Variants in MFSD6 observed in about 807,000 individuals in gnomAD.
The protein encoded by MFSD6 is major facilitator superfamily domain-containing protein 6.
Under a neutral mutation model 56.3 loss-of-function variants are expected in MFSD6, and 26 were observed. The ratio of observed to expected loss-of-function variants is 0.46; its 90% CI spans 0.34 to 0.64. The LOEUF (loss-of-function observed/expected upper bound fraction) is 0.64. Ranked by LOEUF, MFSD6 falls within the 30% of genes least tolerant of loss-of-function variation. The pLI is 0.01. For missense variants in MFSD6, 750 were observed against 986.2 expected, an observed-to-expected ratio of 0.76 and a Z score of 3.21; for synonymous variants, 331 against 366.9, an observed-to-expected ratio of 0.90 and a Z score of 1.12.
At position 190,413,186 on chromosome 2, in the gene MFSD6, A is replaced by G. The variant is rs1271984537; in HGVS notation, c.-175-2106A>G. 6.6e-6 allele frequency among the ~76,000 whole-genome samples: 1 copy of G among 152,160 alleles called. No individual in the cohort carries two copies. Among genetic ancestry groups the G allele is most frequent in the African/African-American group, 2.4e-5 (1 of 41,426 alleles). ...CCTTGATCCATTATGATGTAAATCTAGCTGAGCCACGTGTTGATGATTATG... is the reference window on the plus strand; with the variant it reads ...CCTTGATCCATTATGATGTAAATCTGGCTGAGCCACGTGTTGATGATTATG... On this transcript the variant is annotated intron_variant, in intron 1 of 7. Coordinates refer to ENST00000392328, the MANE Select transcript of MFSD6 (RefSeq NM_017694.4). The surrounding 1 kb of genome is among the most constrained non-coding windows in gnomAD (Gnocchi z 4.1).
intron 4 of MFSD6, among the ~76,000 whole-genome samples, chr2:190,481,643 A>G (rs1466857344): frequency 1.3e-5 from 2 of 152,182 alleles, no homozygotes; most frequent in African/African-American, 4.8e-5. Context: ...ATTATTTTGC[A>G]TATTGTCATA....
chr2:190,441,986 C>T (rs924701118), intron 3 of MFSD6, among the ~76,000 whole-genome samples: 5 of 152,110 alleles, frequency 3.3e-5, no homozygotes, highest in Non-Finnish European at 7.4e-5. Context: ...TACAAAGACT[C>T]CTGATGGCAA....
rs1236797476 is a variant in MFSD6, at chr2:190,461,902, A to C, written c.1533-7856A>C. 6.6e-6 allele frequency among the ~76,000 whole-genome samples: 1 copy of C among 152,152 alleles called. No individual in the cohort carries two copies. Among genetic ancestry groups the C allele is most frequent in the African/African-American group, 2.4e-5 (1 of 41,420 alleles). ...TATACTTTCAGAACAATCTGAGAGCAGAAGTCTTTTAATTTAAAAATTTAA... is the reference window on the plus strand; with the variant it reads ...TATACTTTCAGAACAATCTGAGAGCCGAAGTCTTTTAATTTAAAAATTTAA... On this transcript the variant is annotated intron_variant, in intron 3 of 7. Transcript: ENST00000392328. The surrounding 1 kb of genome is among the most constrained non-coding windows in gnomAD (Gnocchi z 5.5).
chr2:190,424,591 A>G lies in MFSD6; in HGVS notation c.-54+9178A>G, dbSNP rs1421773182. ...CTCAGGTGATCCGTCCACCTCGGCC[A>G]CCAAAGTGCTGGGATTACAGGCGTG... On this transcript the variant is annotated intron_variant, in intron 2 of 7. Transcript: ENST00000392328. This position sits in a 1 kb window ranked among gnomAD's most constrained non-coding sequence, Gnocchi z 5.9. 1.3e-5 allele frequency among the ~76,000 whole-genome samples: 2 copies of G among 152,084 alleles called. No homozygotes were observed. The highest frequency in any genetic ancestry group is 2.9e-5 in the Non-Finnish European group (2 of 67,992).
Position 190,489,079 on chromosome 2 carries a change from A to G in MFSD6, c.1792+261A>G, listed in dbSNP as rs536468059. ...AGATGCTACAGAGATCCCTCAAAGGAGCCAAACAAATGAATTAGCATGAGT... is the reference window on the plus strand; with the variant it reads ...AGATGCTACAGAGATCCCTCAAAGGGGCCAAACAAATGAATTAGCATGAGT... On this transcript the variant is annotated intron_variant, in intron 5 of 7. Coordinates refer to ENST00000392328, the MANE Select transcript of MFSD6 (RefSeq NM_017694.4). This position sits in a 1 kb window ranked among gnomAD's most constrained non-coding sequence, Gnocchi z 6.6. 6.6e-6 allele frequency among the ~76,000 whole-genome samples: 1 copy of G among 152,334 alleles called. No homozygotes were observed. Among genetic ancestry groups the G allele is most frequent in the South Asian group, 2.1e-4 (1 of 4,834 alleles).
At chr2:190,476,946 T>C (rs909612920) in intron 4 of MFSD6, among the ~76,000 whole-genome samples, 2 of 150,896 alleles carry the variant, frequency 1.3e-5, no homozygotes, top group African/African-American at 2.4e-5. Flanking sequence ...CAGCAAACTA[T>C]TGTAAGGACA....
chr2:190,492,356 A>T lies in MFSD6; in HGVS notation c.1891+2490A>T, dbSNP rs539906677. On this transcript the variant is annotated intron_variant, in intron 6 of 7. Transcript: ENST00000392328. This position sits in a 1 kb window ranked among gnomAD's most constrained non-coding sequence, Gnocchi z 5.2. ...TAGGCACATTGTCATCAGGCTATCT[A>T]AAGTCAAGAGGAAGGAAAGAATCTT... 6.6e-6 allele frequency among the ~76,000 whole-genome samples: 1 copy of T among 152,346 alleles called. No individual in the cohort carries two copies. The highest frequency in any genetic ancestry group is 6.5e-5 in the Admixed American group (1 of 15,302).
rs1687324046 is a variant in MFSD6 at position 190,461,447 on chromosome 2, T to G, written c.1533-8311T>G. On this transcript the variant is annotated intron_variant, in intron 3 of 7. Transcript: ENST00000392328. The surrounding 1 kb of genome is among the most constrained non-coding windows in gnomAD (Gnocchi z 5.5). Reference sequence around the variant, plus strand: ...TTCTGTTCATATGTAAGTATGTAGCTGTATGTGTCACTTCCTTTTTCTGAC... The same window carrying G: ...TTCTGTTCATATGTAAGTATGTAGCGGTATGTGTCACTTCCTTTTTCTGAC... Among the ~76,000 whole-genome samples, 1 of 152,260 alleles carries G rather than the reference T, an allele frequency of 6.6e-6. No homozygotes were observed. Among genetic ancestry groups the G allele is most frequent in the Non-Finnish European group, 1.5e-5 (1 of 68,044 alleles).
Position 190,500,201 on chromosome 2 carries a change from G to T in MFSD6, c.2359G>T (p.Ala787Ser). The change falls in exon 8 of 8, where the codon GCC (alanine) becomes TCC (serine). Residue 787 changes from alanine to serine, a missense_variant. Transcript: ENST00000392328. This position sits in a 1 kb window ranked among gnomAD's most constrained non-coding sequence, Gnocchi z 5.3. Reference sequence around the variant, plus strand: ...GAGTGAAGAGCAGCAGGCTCAGCTGGCCGCGGGAGGACACTGAGGGCATCC... The same window carrying T: ...GAGTGAAGAGCAGCAGGCTCAGCTGTCCGCGGGAGGACACTGAGGGCATCC... ...EESEEQQAQL[A>S]AGGH 1 of 1,614,160 alleles carries T rather than the reference G, an allele frequency of 6.2e-7. No homozygotes were observed. The highest frequency in any genetic ancestry group is 1.1e-5 in the South Asian group (1 of 91,080).
chr2:190,444,890 G>C (rs1241073518), intron 3 of MFSD6: 2 of 831,470 alleles, frequency 2.4e-6, no homozygotes, highest in East Asian at 2.5e-4. Flanking sequence ...ATAGTAAAAA[G>C]TGACGTTAAT....
intron 3 of MFSD6, among the ~76,000 whole-genome samples, chr2:190,449,436 T>C (rs1032678986): frequency 1.7e-4 from 26 of 151,880 alleles, no homozygotes; most frequent in African/African-American, 6.3e-4. Flanking sequence ...ATGGCACCAC[T>C]GCACACCCGC....
At position 190,428,572 on chromosome 2, in the gene MFSD6, T is replaced by G. The variant is rs80306996; in HGVS notation, c.-53-7405T>G. On this transcript the variant is annotated intron_variant, in intron 2 of 7. Transcript: ENST00000392328. ...TTGTTTTATACTTACCTGTTCAGCCTTCTAAATCCAAAAATCAAAAATGCT... is the reference window on the plus strand; with the variant it reads ...TTGTTTTATACTTACCTGTTCAGCCGTCTAAATCCAAAAATCAAAAATGCT... Among the ~76,000 whole-genome samples, 61 of 152,354 alleles carry G rather than the reference T, an allele frequency of 4.0e-4. No individual in the cohort carries two copies. The East Asian group carries it at 0.01, about 25-fold the overall frequency.
At position 190,438,649 on chromosome 2, in the gene MFSD6, C is replaced by T. The variant is rs1336139381; in HGVS notation, c.1532+1088C>T. 6.6e-6 allele frequency among the ~76,000 whole-genome samples: 1 copy of T among 152,218 alleles called. No individual in the cohort carries two copies. The highest frequency in any genetic ancestry group is 6.5e-5 in the Admixed American group (1 of 15,280). On this transcript the variant is annotated intron_variant, in intron 3 of 7. Coordinates refer to ENST00000392328, the MANE Select transcript of MFSD6 (RefSeq NM_017694.4). The surrounding 1 kb of genome is among the most constrained non-coding windows in gnomAD (Gnocchi z 5.2). The stretch of plus-strand genomic sequence containing the variant: ...AAATGTGGAGCCAACTCCACTTAAG[C>T]ATTCTTGCCTTACAGAAAAGTACGA...
rs1687332166 is a variant in MFSD6 at position 190,461,590 on chromosome 2, G to T, written c.1533-8168G>T. Among the ~76,000 whole-genome samples the T allele has an allele frequency of 1.3e-5, 2 of 152,146 alleles. No homozygotes were observed. The highest frequency in any genetic ancestry group is 2.4e-5 in the African/African-American group (1 of 41,430). ...AAAGTGTTGGCAGGTTCGGTGACTG[G>T]TAAAGGCCTCGTTCTCTGCCTCCCA... On this transcript the variant is annotated intron_variant, in intron 3 of 7. Coordinates refer to ENST00000392328, the MANE Select transcript of MFSD6 (RefSeq NM_017694.4). This position sits in a 1 kb window ranked among gnomAD's most constrained non-coding sequence, Gnocchi z 5.5.
In MFSD6 at chr2:190,418,935, T is replaced by C. The variant is rs912832135; in HGVS notation, c.-54+3522T>C. On this transcript the variant is annotated intron_variant, in intron 2 of 7. Coordinates refer to ENST00000392328, the MANE Select transcript of MFSD6 (RefSeq NM_017694.4). This position sits in a 1 kb window ranked among gnomAD's most constrained non-coding sequence, Gnocchi z 4.1. ...AGGCTGGAAACTGGGCTGACAGGAC[T>C]GAGACCAGTTTTGTTTCTTTCATCA... 2.6e-5 allele frequency among the ~76,000 whole-genome samples: 4 copies of C among 152,232 alleles called. No homozygotes were observed. Among genetic ancestry groups the C allele is most frequent in the Non-Finnish European group, 4.4e-5 (3 of 68,040 alleles).
chr2:190,427,933 C>T (rs1268881289), intron 2 of MFSD6, among the ~76,000 whole-genome samples: 1 of 152,082 alleles, frequency 6.6e-6, no homozygotes, highest in African/African-American at 2.4e-5. Context: ...GGTTTCACCA[C>T]GTTGATCAGA....
Position 190,410,778 on chromosome 2 carries a change from C to T in MFSD6, c.-176+2275C>T, listed in dbSNP as rs1345457727. 6.6e-6 allele frequency among the ~76,000 whole-genome samples: 1 copy of T among 152,160 alleles called. No individual in the cohort carries two copies. Among genetic ancestry groups the T allele is most frequent in the Non-Finnish European group, 1.5e-5 (1 of 68,034 alleles). On this transcript the variant is annotated intron_variant, in intron 1 of 7. Transcript: ENST00000392328. This position sits in a 1 kb window ranked among gnomAD's most constrained non-coding sequence, Gnocchi z 4.4. ...GCTGTATATTAAATGAAAAAAATGGCTGGGCAAGGTGGCTCATGCCTGTAA... is the reference window on the plus strand; with the variant it reads ...GCTGTATATTAAATGAAAAAAATGGTTGGGCAAGGTGGCTCATGCCTGTAA...
rs1687901257 is a variant in MFSD6, at chr2:190,471,165, GAC to G, written c.1630+1314_1630+1315del. The stretch of plus-strand genomic sequence containing the variant: ...CCAGTCTACAGGTCTCAGCGTAAGT[GAC>G]ACAGAAGACTACTGATTTCTGCATT... On this transcript the variant is annotated intron_variant, in intron 4 of 7. Coordinates refer to ENST00000392328, the MANE Select transcript of MFSD6 (RefSeq NM_017694.4). The surrounding 1 kb of genome is among the most constrained non-coding windows in gnomAD (Gnocchi z 4.7). 6.6e-6 allele frequency among the ~76,000 whole-genome samples: 1 copy of G among 152,186 alleles called. No homozygotes were observed. The highest frequency in any genetic ancestry group is 2.4e-5 in the African/African-American group (1 of 41,440).
chr2:190,499,719 T>A lies in MFSD6; in HGVS notation c.2173-296T>A. On this transcript the variant is annotated intron_variant, in intron 7 of 7. Transcript: ENST00000392328. This position sits in a 1 kb window ranked among gnomAD's most constrained non-coding sequence, Gnocchi z 6.0. ...CATGGCTTGGGGGGCTCAGTAAATA[T>A]TTGCTGATGTAAACTGTTTACCAAG... 1 of 1,157,400 alleles carries A rather than the reference T, an allele frequency of 8.6e-7. No homozygotes were observed. The highest frequency in any genetic ancestry group is 1.6e-5 in the African/African-American group (1 of 63,660). 71.7% of individuals were successfully genotyped at this position (1,157,400 alleles called of 1,614,324 possible). A position where few individuals can be genotyped will look rare whatever the true frequency, so the allele number is the denominator to read the frequency against.
Sources: gnomAD v4.1 joint callset for allele counts (sites outside exome capture counted in the v4.1 genomes callset) on GRCh38, gnomAD v4.1.1 for gene constraint, Gnocchi (gnomAD v3.1) non-coding constraint, MANE v1.5 for transcripts, NCBI Gene and HGNC (gene_info 2026-07-23, HGNC 2026-07-21) for gene names.